The following KIFC3 variants were observed in gnomAD, a reference collection of about 807,000 sequenced individuals.
The protein encoded by KIFC3 is kinesin family member C3, also known as kinesin-like protein KIFC3.
A neutral mutation model predicts 101.8 loss-of-function variants in KIFC3; 60 were observed. The ratio of observed to expected loss-of-function variants is 0.59; its 90% confidence interval spans 0.48 to 0.73. KIFC3 has a LOEUF of 0.73. KIFC3 is among the 30% of genes least tolerant of loss of function. The pLI is 0.00. For synonymous variants in KIFC3, 476 were observed against 482.7 expected (o/e 0.99, Z 0.18); for missense variants, 966 against 1,137.1 (o/e 0.85, Z 2.16).
chr16:57,787,103 C>T (rs1376746505), intron 3 of KIFC3, among the ~76,000 whole-genome samples: 2 of 152,322 alleles, frequency 1.3e-5, no homozygotes, highest in South Asian at 2.1e-4. Context: ...TGAGATCAGA[C>T]GGATGCTTCC....
rs548533967 is a variant in KIFC3 at position 57,759,060 on chromosome 16, C to T, written c.*24+65G>A. 1.0e-5 allele frequency: 16 copies of T among 1,538,516 alleles called. No individual in the cohort carries two copies. The African/African-American group carries it at 1.1e-4, about 11-fold the overall frequency. ...AGCTCTGAACAGCAGAACGTCCCAG[C>T]GCAGCCCTGCAACCCACTGCGGGCA... On this transcript the variant is annotated intron_variant, in intron 19 of 19. Coordinates refer to ENST00000445690, the MANE Select transcript of KIFC3 (RefSeq NM_001130100.2).
At chr16:57,842,092 T>A (rs2055826731) in intron 1 of KIFC3, among the ~76,000 whole-genome samples, 1 of 151,954 alleles carries the variant, frequency 6.6e-6, no homozygotes, top group Non-Finnish European at 1.5e-5. Flanking sequence ...CCCAGCTACT[T>A]GAGAGGCTGA....
intron 11 of KIFC3, among the ~76,000 whole-genome samples, chr16:57,764,900 G>A (rs1356100330): frequency 4.5e-5 from 6 of 133,602 alleles, no homozygotes; most frequent in African/African-American, 8.2e-5. Flanking sequence ...GATGGGAGGG[G>A]CCTGAGGGTG....
chr16:57,773,515 G>A (rs1321535552), intron 3 of KIFC3, among the ~76,000 whole-genome samples: 1 of 152,192 alleles, frequency 6.6e-6, no homozygotes, highest in South Asian at 2.1e-4. Context: ...TCAGCCGAGT[G>A]CACCAGTGCA....
chr16:57,759,441 C>T, intron 18 of KIFC3: 1 of 584,684 alleles, frequency 1.7e-6, no homozygotes, highest in Non-Finnish European at 3.0e-6. Flanking sequence ...CCAGCCCATG[C>T]TCAGAGAGCA....
chr16:57,789,308 A>T (rs1286484327), intron 3 of KIFC3, among the ~76,000 whole-genome samples: 1 of 152,264 alleles, frequency 6.6e-6, no homozygotes, highest in African/African-American at 2.4e-5. Flanking sequence ...CAGGGGGAAC[A>T]CAGGCAAAGG....
At position 57,762,131 on chromosome 16, in the gene KIFC3, G is replaced by A; in HGVS notation, c.1748+9C>T. 1 of 1,590,622 alleles carries A rather than the reference G, an allele frequency of 6.3e-7. No individual in the cohort carries two copies. Among genetic ancestry groups the A allele is most frequent in the Non-Finnish European group, 8.6e-7 (1 of 1,166,676 alleles). ...CTGAGGCCTGCTCCGCACACCCTGGGGCTCCCACCTGAGGACCTCATTGTA... is the reference window on the plus strand; with the variant it reads ...CTGAGGCCTGCTCCGCACACCCTGGAGCTCCCACCTGAGGACCTCATTGTA... On this transcript the variant is annotated intron_variant, in intron 13 of 19. Coordinates refer to ENST00000445690, the MANE Select transcript of KIFC3 (RefSeq NM_001130100.2).
upstream of KIFC3, among the ~76,000 whole-genome samples, chr16:57,805,478 G>T (rs1555626744): frequency 6.6e-6 from 1 of 152,070 alleles, no homozygotes; most frequent in Non-Finnish European, 1.5e-5. Flanking sequence ...AGGACTCTTG[G>T]GTTCAGCCTT....
chr16:57,758,729 G>T lies in KIFC3; in HGVS notation c.*205C>A. 1.2e-6 allele frequency: 1 copy of T among 864,200 alleles called. No individual in the cohort carries two copies. Among genetic ancestry groups the T allele is most frequent in the South Asian group, 1.4e-5 (1 of 72,968 alleles). 53.5% of individuals were successfully genotyped at this position (864,200 alleles called of 1,614,324 possible). A position where few individuals can be genotyped will look rare whatever the true frequency, so the allele number is the denominator to read the frequency against. The stretch of plus-strand genomic sequence containing the variant: ...AATTTGCACTCAGAGCCACAGCCGA[G>T]AGACACCGTTTCCTTCTGAACATGT... On this transcript the variant is annotated 3_prime_UTR_variant, in exon 20 of 20. Transcript: ENST00000445690.
At chr16:57,837,505 GGAGA>G (rs2055712242) in intron 1 of KIFC3, among the ~76,000 whole-genome samples, 1 of 115,682 alleles carries the variant, frequency 8.6e-6, no homozygotes, top group Non-Finnish European at 1.8e-5. Flanking sequence ...ACGGAAGGAA[GGAGA>G]AAGAAAGAAA....
upstream of KIFC3, chr16:57,803,287 G>A: frequency 1.4e-6 from 1 of 694,900 alleles, no homozygotes; most frequent in Non-Finnish European, 2.6e-6. Context: ...CCAGCCGGGA[G>A]AGACAGCTGA....
chr16:57,832,776 G>A (rs2055610176), intron 1 of KIFC3, among the ~76,000 whole-genome samples: 1 of 152,110 alleles, frequency 6.6e-6, no homozygotes, highest in Non-Finnish European at 1.5e-5. Flanking sequence ...AGGGCTCCGG[G>A]TAAAGTCCAT....
At chr16:57,759,070 C>T (rs1346013833) in intron 19 of KIFC3, 55 bp downstream of exon 19, 1 of 1,545,590 alleles carries the variant, frequency 6.5e-7, no homozygotes, top group Non-Finnish European at 8.7e-7. Flanking sequence ...CGCAGCCCTG[C>T]AACCCACTGC....
intron 1 of KIFC3, among the ~76,000 whole-genome samples, chr16:57,835,715 C>A (rs1012848020): frequency 2.0e-5 from 3 of 151,910 alleles, no homozygotes; most frequent in African/African-American, 7.3e-5. Context: ...TTCGGGAGGC[C>A]GAGGCAGGCA....
intron 3 of KIFC3, among the ~76,000 whole-genome samples, chr16:57,780,170 G>A (rs1289268920): frequency 1.3e-5 from 2 of 152,230 alleles, no homozygotes; most frequent in Non-Finnish European, 2.9e-5. Flanking sequence ...GATGGTGATG[G>A]TTGTTGCACA....
At chr16:57,796,314 A>C (rs545357964) in intron 2 of KIFC3, among the ~76,000 whole-genome samples, 1 of 152,362 alleles carries the variant, frequency 6.6e-6, no homozygotes, top group South Asian at 2.1e-4. Context: ...AGGCACACAG[A>C]AAGGGCCCAC....
At chr16:57,784,015 A>G (rs1460498605) in intron 3 of KIFC3, among the ~76,000 whole-genome samples, 4 of 152,188 alleles carry the variant, frequency 2.6e-5, no homozygotes, top group African/African-American at 9.6e-5. Flanking sequence ...TCTGTCCCAG[A>G]GCTCAGCTCA....
Position 57,802,310 on chromosome 16 carries a change from G to A in KIFC3, c.-40+60C>T. 1.1e-6 allele frequency: 1 copy of A among 887,146 alleles called. No individual in the cohort carries two copies. Among genetic ancestry groups the A allele is most frequent in the South Asian group, 5.2e-5 (1 of 19,416 alleles). The allele number at this position is 887,146 out of a possible 1,614,324, so 55.0% of individuals were successfully genotyped here. ...CGGCCCGGACGCGGCGCCCCAAACG[G>A]CGGGCCGGGCAGAGCCCAGCGCCCC... On this transcript the variant is annotated intron_variant, in intron 1 of 19. Transcript: ENST00000445690. The surrounding 1 kb of genome is among the most constrained non-coding windows in gnomAD (Gnocchi z 5.0).
At chr16:57,802,648 G>GCACTCC (rs1334596039), upstream of KIFC3, 19 of 1,020,612 alleles carry the variant, frequency 1.9e-5, no homozygotes, top group African/African-American at 9.9e-5. The surrounding 1 kb of genome is among the most constrained non-coding windows in gnomAD (Gnocchi z 5.0). Context: ...TCTCCCGCCG[G>GCACTCC]CACTCCCACT....
Sources: allele counts gnomAD v4.1 joint callset (sites outside exome capture counted in the v4.1 genomes callset), GRCh38; gene constraint gnomAD v4.1.1; non-coding constraint Gnocchi (gnomAD v3.1); transcripts MANE v1.5; gene names NCBI Gene and HGNC (gene_info 2026-07-23, HGNC 2026-07-21).